The following DAB2IP variants were observed in gnomAD, a reference collection of about 807,000 sequenced individuals.
The protein encoded by DAB2IP is disabled homolog 2-interacting protein.
DAB2IP carries 28 observed loss-of-function variants against 107.2 expected under a neutral mutation model. The ratio of observed to expected loss-of-function variants is 0.26; its 90% CI spans 0.19 to 0.36. DAB2IP has a LOEUF of 0.36. Among genes scored for constraint, DAB2IP ranks in the 10% least tolerant of loss-of-function variants. DAB2IP has a pLI of 1.00. For synonymous variants in DAB2IP, 755 were observed against 706.4 expected (o/e 1.07, Z -1.09); for missense variants, 1,400 against 1,644.7 (o/e 0.85, Z 2.57).
intron 3 of DAB2IP, among the ~76,000 whole-genome samples, chr9:121,721,090 G>A (rs1054040294): frequency 5.3e-5 from 8 of 152,162 alleles, no homozygotes; most frequent in African/African-American, 1.9e-4. Flanking sequence ...TCCATGGGCT[G>A]GGGAGGAATC....
chr9:121,636,571 C>T (rs542879583), intron 1 of DAB2IP, among the ~76,000 whole-genome samples: 1 of 152,126 alleles, frequency 6.6e-6, no homozygotes, highest in East Asian at 1.9e-4. Context: ...TCTGTGCTCT[C>T]GGGAGCAGGA....
chr9:121,686,749 T>A (rs1351213979), intron 2 of DAB2IP, among the ~76,000 whole-genome samples: 2 of 152,158 alleles, frequency 1.3e-5, no homozygotes. Flanking sequence ...CTGTGAGGGC[T>A]CAGTGCCTGG....
chr9:121,631,173 G>A (rs1831864923), intron 1 of DAB2IP, among the ~76,000 whole-genome samples: 1 of 152,200 alleles, frequency 6.6e-6, no homozygotes, highest in African/African-American at 2.4e-5. Context: ...AGAGGACCTT[G>A]CCTCAAGGAG....
intron 3 of DAB2IP, among the ~76,000 whole-genome samples, chr9:121,710,840 G>GGA (rs1310956659): frequency 4.5e-4 from 68 of 152,156 alleles, no homozygotes; most frequent in Admixed American, 4.5e-3. Context: ...ACTCACCAAG[G>GGA]GAGTTGCCTA....
chr9:121,722,455 C>G (rs1024296617), intron 3 of DAB2IP, among the ~76,000 whole-genome samples: 1 of 152,192 alleles, frequency 6.6e-6, no homozygotes, highest in Admixed American at 6.5e-5. Flanking sequence ...CCACTCCCCC[C>G]ATGATCCATA....
chr9:121,717,061 C>T (rs923022175), intron 3 of DAB2IP, among the ~76,000 whole-genome samples: 2 of 152,186 alleles, frequency 1.3e-5, no homozygotes, highest in African/African-American at 2.4e-5. Flanking sequence ...GAAGATGGGC[C>T]GGGGTCTCTT....
intron 1 of DAB2IP, among the ~76,000 whole-genome samples, chr9:121,569,130 C>T (rs1320000954): frequency 6.6e-6 from 1 of 152,234 alleles, no homozygotes; most frequent in Non-Finnish European, 1.5e-5. Flanking sequence ...GTCTCCCACC[C>T]AGCCAGCCTC....
intron 3 of DAB2IP, among the ~76,000 whole-genome samples, chr9:121,745,561 C>T (rs1832662852): frequency 1.3e-5 from 2 of 149,546 alleles, no homozygotes; most frequent in African/African-American, 4.9e-5. Context: ...CATAGCCCCA[C>T]ATGCTCCTGC....
In DAB2IP at chr9:121,698,779, C is replaced by T. The variant is rs1323143261; in HGVS notation, c.229-546C>T. On this transcript the variant is annotated intron_variant, in intron 2 of 15. Coordinates refer to ENST00000408936, the Ensembl canonical transcript of DAB2IP. This position sits in a 1 kb window ranked among gnomAD's most constrained non-coding sequence, Gnocchi z 4.1. ...ACCACGCGCCCGCTCTCATCGGTAC[C>T]ACCGAGGGCTGGAGAGCAGCGACCT... 1.3e-5 allele frequency among the ~76,000 whole-genome samples: 2 copies of T among 152,216 alleles called. No individual in the cohort carries two copies. Among genetic ancestry groups the T allele is most frequent in the East Asian group, 3.9e-4 (2 of 5,178 alleles).
intron 3 of DAB2IP, chr9:121,737,458 C>T (rs1348255947): frequency 1.0e-6 from 1 of 985,474 alleles, no homozygotes; most frequent in East Asian, 1.1e-4. Flanking sequence ...CTCCTAGGCT[C>T]ACCTCTTAGA....
rs1451020054 is a variant in DAB2IP at position 121,776,225 on chromosome 9, C to T, written c.3148C>T (p.Arg1050Ter). 1.3e-6 allele frequency: 2 copies of T among 1,581,730 alleles called. No individual in the cohort carries two copies. Among genetic ancestry groups the T allele is most frequent in the Non-Finnish European group, 1.7e-6 (2 of 1,164,372 alleles). The change falls in exon 14 of 16, where the codon CGA becomes TGA. Residue 1050 changes from arginine to a stop codon, truncating the protein, a stop_gained. Transcript: ENST00000408936. LOFTEE classifies it high-confidence loss of function. The surrounding 1 kb of genome is among the most constrained non-coding windows in gnomAD (Gnocchi z 5.4). ...CCTGGCGGTGCTGCAGGACAAGCTG[C>T]GAATCTCCACCAAGAAGCTGGAGGA...
chr9:121,776,989 G>A lies in DAB2IP; in HGVS notation c.3314+598G>A, dbSNP rs988534630. 3.3e-5 allele frequency among the ~76,000 whole-genome samples: 5 copies of A among 152,112 alleles called. No individual in the cohort carries two copies. The highest frequency in any genetic ancestry group is 4.8e-5 in the African/African-American group (2 of 41,400). On this transcript the variant is annotated intron_variant, in intron 14 of 15. Coordinates refer to ENST00000408936, the Ensembl canonical transcript of DAB2IP. This position sits in a 1 kb window ranked among gnomAD's most constrained non-coding sequence, Gnocchi z 5.4. ...TGGGAAAGGGCTTCAGAGGAACAGC[G>A]GGTTTTAATGCTGACTCTCATCTTT...
At chr9:121,672,770 C>T (rs970936569) in intron 1 of DAB2IP, among the ~76,000 whole-genome samples, 1 of 152,154 alleles carries the variant, frequency 6.6e-6, no homozygotes, top group African/African-American at 2.4e-5. Flanking sequence ...GGCTGGGTCT[C>T]CCTTCCCGTG....
rs137861636 is a variant in DAB2IP, at chr9:121,761,005, G to A, written c.1170+566G>A. On this transcript the variant is annotated intron_variant, in intron 6 of 15. Coordinates refer to ENST00000408936, the Ensembl canonical transcript of DAB2IP. Reference sequence around the variant, plus strand: ...CCCACCCCAGAGCCTCACAGAAGCGGGAATCGTCTGAGACCCACCCAGGCA... The same window carrying A: ...CCCACCCCAGAGCCTCACAGAAGCGAGAATCGTCTGAGACCCACCCAGGCA... Among the ~76,000 whole-genome samples, 328 of 152,282 alleles carry A rather than the reference G, an allele frequency of 2.2e-3. 1 individual carries two copies. Among genetic ancestry groups the A allele is most frequent in the African/African-American group, 5.7e-3 (235 of 41,562 alleles).
chr9:121,727,140 G>A (rs1360035103), intron 3 of DAB2IP, among the ~76,000 whole-genome samples: 1 of 152,196 alleles, frequency 6.6e-6, no homozygotes, highest in Admixed American at 6.5e-5. Flanking sequence ...CTTGTGTCCT[G>A]CTCTTGGCCT....
chr9:121,758,520 C>G (rs1036532950), intron 4 of DAB2IP, among the ~76,000 whole-genome samples: 1 of 152,154 alleles, frequency 6.6e-6, no homozygotes, highest in African/African-American at 2.4e-5. Flanking sequence ...AGGGAAAGTA[C>G]GCTCGGGTTA....
At chr9:121,784,957 G>A (rs1835908123) in exon 16 of DAB2IP, 1 of 152,704 alleles carries the variant, frequency 6.5e-6, no homozygotes, top group Non-Finnish European at 1.5e-5. Flanking sequence ...CAGAGGCCCT[G>A]GAGGGAAGGA....
intron 14 of DAB2IP, among the ~76,000 whole-genome samples, chr9:121,780,040 GGTTT>G (rs145301537): frequency 0.012 from 1,772 of 152,188 alleles, 32 homozygotes; most frequent in African/African-American, 0.04. Flanking sequence ...CCATTTTTCT[GGTTT>G]GTTTGTTTGG....
chr9:121,651,976 A>G lies in DAB2IP; in HGVS notation c.124+77A>G. ...CACCTGATGCCCTGGGATGCTAGGGACCGGGATCCTCCTTCCAGCCATTTG... is the reference window on the plus strand; with the variant it reads ...CACCTGATGCCCTGGGATGCTAGGGGCCGGGATCCTCCTTCCAGCCATTTG... On this transcript the variant is annotated intron_variant, in intron 1 of 15. Transcript: ENST00000408936. The surrounding 1 kb of genome is among the most constrained non-coding windows in gnomAD (Gnocchi z 5.1). 1 of 1,172,096 alleles carries G rather than the reference A, an allele frequency of 8.5e-7. No homozygotes were observed. The highest frequency in any genetic ancestry group is 1.1e-6 in the Non-Finnish European group (1 of 929,650). 72.6% of individuals were successfully genotyped at this position (1,172,096 alleles called of 1,614,324 possible).
Sources: gnomAD v4.1 joint callset for allele counts (sites outside exome capture counted in the v4.1 genomes callset) on GRCh38, gnomAD v4.1.1 for gene constraint, Gnocchi (gnomAD v3.1) non-coding constraint, MANE v1.5 for transcripts, NCBI Gene and HGNC (gene_info 2026-07-23, HGNC 2026-07-21) for gene names.